The following CDH2 variants were observed in gnomAD, a reference collection of about 807,000 sequenced individuals.
The protein encoded by CDH2 is cadherin 2.
Under a neutral mutation model 92.0 loss-of-function variants are expected in CDH2, and 17 were observed. The ratio of observed to expected loss-of-function variants is 0.18; its 90% CI spans 0.13 to 0.28. CDH2 has a LOEUF of 0.28. Ranked by LOEUF, CDH2 falls within the 10% of genes least tolerant of loss-of-function variation. The pLI is 1.00. For missense variants in CDH2, 862 were observed against 1,133.1 expected, an observed-to-expected ratio of 0.76 and a Z score of 3.44; for synonymous variants, 419 against 415.9, an observed-to-expected ratio of 1.01 and a Z score of -0.09.
At chr18:28,146,104 CA>C (rs2016030623) in intron 2 of CDH2, 1 of 152,036 alleles carries the variant, frequency 6.6e-6, no homozygotes, top group South Asian at 2.1e-4. Context: ...TTCAACGCGC[CA>C]AAGTAATTAA....
rs1163594709 is a variant in CDH2 at position 28,166,159 on chromosome 18, T to TATATATATATATAC, written c.60+10803_60+10804insGTATATATATATAT. 1.5e-4 allele frequency among the ~76,000 whole-genome samples: 19 copies of TATATATATATATAC among 130,428 alleles called. 1 individual carries two copies. 85.6% of individuals were successfully genotyped at this position (130,428 alleles called of 152,430 possible). On this transcript the variant is annotated intron_variant, in intron 1 of 15. Coordinates refer to ENST00000269141, the MANE Select transcript of CDH2 (RefSeq NM_001792.5). Reference sequence around the variant, plus strand: ...TAATTCAGACACACTCATATATATATATATATATATATATGTCTGTATTTT... The same window carrying TATATATATATATAC: ...TAATTCAGACACACTCATATATATATATATATATATATACATATATATATATATGTCTGTATTTT...
intron 15 of CDH2, among the ~76,000 whole-genome samples, chr18:27,958,994 A>C (rs962699238): frequency 6.6e-6 from 1 of 152,140 alleles, no homozygotes; most frequent in Non-Finnish European, 1.5e-5. Flanking sequence ...TTCCTTTGTA[A>C]ATCACTCAGG....
intron 2 of CDH2, chr18:28,146,640 G>C (rs2016039144): frequency 6.6e-6 from 1 of 152,104 alleles, no homozygotes; most frequent in Admixed American, 6.6e-5. Context: ...AAGAACGATA[G>C]TAGCTAAGAG....
At chr18:28,008,378 A>T (rs2144025172) in intron 5 of CDH2, among the ~76,000 whole-genome samples, 1 of 152,334 alleles carries the variant, frequency 6.6e-6, no homozygotes, top group East Asian at 1.9e-4. Flanking sequence ...TAAAAAATGG[A>T]ATGATGAAGA....
chr18:28,066,969 AC>A (rs1170354877), intron 2 of CDH2, among the ~76,000 whole-genome samples: 1 of 152,152 alleles, frequency 6.6e-6, no homozygotes, highest in Non-Finnish European at 1.5e-5. Context: ...CTTTCTCCTC[AC>A]AAACAAACCT....
intron 2 of CDH2, among the ~76,000 whole-genome samples, chr18:28,078,255 C>A (rs1344028851): frequency 6.6e-6 from 1 of 152,106 alleles, no homozygotes; most frequent in Non-Finnish European, 1.5e-5. Context: ...GCTGAGAGAA[C>A]CCCAATCAGC....
intron 2 of CDH2, among the ~76,000 whole-genome samples, chr18:28,067,589 T>G (rs1277218154): frequency 6.6e-6 from 1 of 152,230 alleles, no homozygotes; most frequent in Admixed American, 6.5e-5. Context: ...CTAAGTAATA[T>G]TCCATTAGAT....
chr18:28,015,010 T>G lies in CDH2; in HGVS notation c.173-1101A>C, dbSNP rs1261533969. 2.6e-5 allele frequency among the ~76,000 whole-genome samples: 4 copies of G among 152,194 alleles called. No homozygotes were observed. The East Asian group carries it at 7.7e-4, about 29-fold the overall frequency. Reference sequence around the variant, plus strand: ...ATGTTATGTTCTGGCTATAATTACATAGGATACTCTTTGGAGTGTAATTAA... The same window carrying G: ...ATGTTATGTTCTGGCTATAATTACAGAGGATACTCTTTGGAGTGTAATTAA... On this transcript the variant is annotated intron_variant, in intron 2 of 15. Transcript: ENST00000269141.
At chr18:28,043,049 TA>T (rs1250141667) in intron 2 of CDH2, among the ~76,000 whole-genome samples, 5 of 152,226 alleles carry the variant, frequency 3.3e-5, no homozygotes, top group African/African-American at 1.2e-4. Flanking sequence ...ATCATCAGCA[TA>T]TAGTTAAAAA....
At chr18:28,082,825 A>G (rs2014856828) in intron 2 of CDH2, among the ~76,000 whole-genome samples, 1 of 152,202 alleles carries the variant, frequency 6.6e-6, no homozygotes, top group South Asian at 2.1e-4. Context: ...ACCCACAGAC[A>G]AGAGTTAATA....
intron 1 of CDH2, among the ~76,000 whole-genome samples, chr18:28,160,994 G>A (rs74906186): frequency 0.018 from 2,664 of 152,168 alleles, 85 homozygotes; most frequent in African/African-American, 0.061. Context: ...AGCATATTCA[G>A]TATCTTTATG....
intron 2 of CDH2, among the ~76,000 whole-genome samples, chr18:28,106,726 C>T (rs923968508): frequency 1.3e-5 from 2 of 151,980 alleles, no homozygotes; most frequent in East Asian, 1.9e-4. Context: ...ATGGTAAATA[C>T]GTATGAGCAT....
chr18:28,035,678 T>C (rs755029872), intron 2 of CDH2, among the ~76,000 whole-genome samples: 4 of 152,230 alleles, frequency 2.6e-5, no homozygotes, highest in East Asian at 1.9e-4. Context: ...GAGAGACTTA[T>C]GAAAATAAAA....
At chr18:28,139,372 T>C (rs1376178655) in intron 2 of CDH2, among the ~76,000 whole-genome samples, 2 of 152,004 alleles carry the variant, frequency 1.3e-5, no homozygotes, top group Admixed American at 1.3e-4. Context: ...ATGGCCTCAG[T>C]TGACCCCACT....
intron 15 of CDH2, among the ~76,000 whole-genome samples, chr18:27,955,177 G>GC (rs2143860685): frequency 6.6e-6 from 1 of 152,098 alleles, no homozygotes; most frequent in Non-Finnish European, 1.5e-5. Flanking sequence ...CAGAGCCCTG[G>GC]CCCAATCCTT....
At chr18:28,002,172 T>G (rs1312881383) in intron 7 of CDH2, among the ~76,000 whole-genome samples, 2 of 152,156 alleles carry the variant, frequency 1.3e-5, no homozygotes, top group East Asian at 3.9e-4. Context: ...TGAGCAGTGC[T>G]TGAATCAGAA....
At chr18:28,171,045 C>G (rs1317940874) in intron 1 of CDH2, among the ~76,000 whole-genome samples, 1 of 151,908 alleles carries the variant, frequency 6.6e-6, no homozygotes, top group African/African-American at 2.4e-5. Context: ...ACCAGCCTTG[C>G]CAACATGGTG....
At chr18:27,943,274 G>C (rs1909188093) in intron 6 of CDH2, among the ~76,000 whole-genome samples, 1 of 152,170 alleles carries the variant, frequency 6.6e-6, no homozygotes, top group South Asian at 2.1e-4. Context: ...GTAAGTGTGA[G>C]CTCTGGAGCT....
At chr18:28,152,768 G>A (rs2016144935) in intron 1 of CDH2, among the ~76,000 whole-genome samples, 1 of 152,152 alleles carries the variant, frequency 6.6e-6, no homozygotes, top group Admixed American at 6.5e-5. Context: ...TGATAGTTTT[G>A]TGGGAAAGTG....
Sources: gnomAD v4.1 joint callset for allele counts (sites outside exome capture counted in the v4.1 genomes callset) on GRCh38, gnomAD v4.1.1 for gene constraint, MANE v1.5 for transcripts, NCBI Gene and HGNC (gene_info 2026-07-23, HGNC 2026-07-21) for gene names.